ULBP2: variants seen among roughly 807,000 people sequenced by gnomAD.
The protein encoded by ULBP2 is UL16 binding protein 2.
A neutral mutation model predicts 23.6 loss-of-function variants in ULBP2; 21 were observed. The ratio of observed to expected loss-of-function variants is 0.89; its 90% confidence interval spans 0.63 to 1.28. ULBP2 has a LOEUF of 1.28. Ranked by LOEUF, ULBP2 falls within the 50% of genes most tolerant of loss-of-function variation. The probability of loss-of-function intolerance (pLI) is 0.00; values close to 1 mark genes in which losing one functional copy is unlikely to be tolerated. For missense variants in ULBP2, 251 were observed against 306.0 expected, an observed-to-expected ratio of 0.82 and a Z score of 1.34; for synonymous variants, 82 against 112.8, an observed-to-expected ratio of 0.73 and a Z score of 1.73.
In ULBP2 at chr6:149,946,609, A is replaced by T; in HGVS notation, c.587A>T (p.Asp196Val). The T allele has an allele frequency of 6.2e-7, 1 of 1,614,100 alleles. No individual in the cohort carries two copies. The highest frequency in any genetic ancestry group is 1.1e-5 in the South Asian group (1 of 91,084). The stretch of plus-strand genomic sequence containing the variant: ...GGAGACTGTATAGGATGGCTTGAGG[A>T]CTTCTTGATGGGCATGGACAGCACC... ...SMGDCIGWLE[D>V]FLMGMDSTLE... is the part of the protein sequence containing the mutation. The change falls in exon 3 of 5, where the codon GAC becomes GTC. Residue 196 changes from aspartate (D) to valine (V), a missense_variant. Asp to Val is a radical substitution (Grantham distance 152, BLOSUM62 -3). Coordinates refer to ENST00000367351, the MANE Select transcript of ULBP2 (RefSeq NM_025217.4).
At chr6:149,948,176 A>C (rs1384947020) in intron 4 of ULBP2, among the ~76,000 whole-genome samples, 6 of 152,126 alleles carry the variant, frequency 3.9e-5, no homozygotes, top group Admixed American at 3.9e-4. Context: ...AGCAGAGTGG[A>C]CTCAGAGGAA....
chr6:149,942,219 G>C (rs1314856600), intron 1 of ULBP2, 62 bp downstream of exon 1: 1 of 1,545,166 alleles, frequency 6.5e-7, no homozygotes, highest in Non-Finnish European at 8.8e-7. Context: ...GTGAACTGCC[G>C]CGGGTTTCAG....
intron 1 of ULBP2, among the ~76,000 whole-genome samples, chr6:149,943,874 T>A (rs1778899278): frequency 6.6e-6 from 1 of 152,110 alleles, no homozygotes; most frequent in East Asian, 1.9e-4. Flanking sequence ...TCTAGGGTCT[T>A]AGGGGGTCTT....
At chr6:149,946,855 C>T (rs899337171) in intron 3 of ULBP2, among the ~76,000 whole-genome samples, 4 of 152,170 alleles carry the variant, frequency 2.6e-5, no homozygotes, top group Admixed American at 6.5e-5. Context: ...ACTCCTATTC[C>T]TCACTGCACT....
In ULBP2 at chr6:149,942,123, C is replaced by A. The variant is rs1778871797; in HGVS notation, c.51C>A (p.Leu17=). ...TKILLCLPLL[L]LLSGWSRAGR... is the part of the protein sequence containing the mutation. Reference sequence around the variant, plus strand: ...TCCTTCTGTGCCTCCCGCTTCTGCTCCTGCTGTCCGGCTGGTCCCGGGCTG... The same window carrying A: ...TCCTTCTGTGCCTCCCGCTTCTGCTACTGCTGTCCGGCTGGTCCCGGGCTG... The change falls in exon 1 of 5, where the codon CTC becomes CTA. Residue 17 remains leucine (L), a synonymous_variant. Coordinates refer to ENST00000367351, the MANE Select transcript of ULBP2 (RefSeq NM_025217.4). 4.3e-6 allele frequency: 7 copies of A among 1,612,958 alleles called. No homozygotes were observed. Among genetic ancestry groups the A allele is most frequent in the African/African-American group, 1.3e-5 (1 of 74,946 alleles).
chr6:149,942,134 G>A lies in ULBP2; in HGVS notation c.62G>A (p.Gly21Asp). The change falls in exon 1 of 5, where the codon GGC becomes GAC. Residue 21 changes from glycine (G) to aspartate (D), a missense_variant. By Grantham distance (94) the Gly-to-Asp change is moderately conservative (BLOSUM62 -1). Coordinates refer to ENST00000367351, the MANE Select transcript of ULBP2 (RefSeq NM_025217.4). ...CTCCCGCTTCTGCTCCTGCTGTCCG[G>A]CTGGTCCCGGGCTGGGCGAGCCGGT... is the stretch of plus-strand genomic sequence containing the variant. ...LCLPLLLLLSGWSRAGRADPH... is the reference protein window; with the variant it reads ...LCLPLLLLLSDWSRAGRADPH... 1.2e-6 allele frequency: 2 copies of A among 1,610,810 alleles called. No homozygotes were observed. Among genetic ancestry groups the A allele is most frequent in the Non-Finnish European group, 1.7e-6 (2 of 1,179,018 alleles).
At chr6:149,942,710 C>T (rs1210039800) in intron 1 of ULBP2, among the ~76,000 whole-genome samples, 1 of 152,176 alleles carries the variant, frequency 6.6e-6, no homozygotes, top group Non-Finnish European at 1.5e-5. Context: ...CCCCTCCCCT[C>T]ACCATCCACT....
intron 3 of ULBP2, among the ~76,000 whole-genome samples, chr6:149,946,924 T>C (rs1342811546): frequency 6.6e-6 from 1 of 152,152 alleles, no homozygotes; most frequent in Non-Finnish European, 1.5e-5. Context: ...GGTGTCACTG[T>C]TTTCAGACCT....
chr6:149,948,830 A>G lies in ULBP2; in HGVS notation c.*130A>G, dbSNP rs1778981738. 2.2e-6 allele frequency: 1 copy of G among 454,562 alleles called. No individual in the cohort carries two copies. The highest frequency in any genetic ancestry group is 2.0e-5 in the African/African-American group (1 of 49,972). 28.2% of individuals were successfully genotyped at this position (454,562 alleles called of 1,614,324 possible). A position where few individuals can be genotyped will look rare whatever the true frequency, so the allele number is the denominator to read the frequency against. On this transcript the variant is annotated 3_prime_UTR_variant, in exon 5 of 5. Transcript: ENST00000367351. ...CGGTGTATGTCCAGTGGCCTCCAGC[A>G]GATCATGATGACATCATGGACCCAA...
At chr6:149,947,803 A>G (rs987289155) in intron 4 of ULBP2, among the ~76,000 whole-genome samples, 1 of 151,612 alleles carries the variant, frequency 6.6e-6, no homozygotes, top group Non-Finnish European at 1.5e-5. Context: ...GAATTCAGAC[A>G]TGGGCAGTCC....
Position 149,942,025 on chromosome 6 carries a change from A to G in ULBP2, c.-48A>G. On this transcript the variant is annotated 5_prime_UTR_variant, in exon 1 of 5. Coordinates refer to ENST00000367351, the MANE Select transcript of ULBP2 (RefSeq NM_025217.4). The stretch of plus-strand genomic sequence containing the variant: ...AAAACCTTGAGGTGATTCATCTTCC[A>G]GGCTCTCCTTCCATCAAGTCTCTCA... 6.3e-7 allele frequency: 1 copy of G among 1,584,034 alleles called. No homozygotes were observed. Among genetic ancestry groups the G allele is most frequent in the Non-Finnish European group, 8.6e-7 (1 of 1,163,414 alleles).
chr6:149,942,241 C>A (rs1778874440), intron 1 of ULBP2, 84 bp downstream of exon 1: 3 of 1,422,896 alleles, frequency 2.1e-6, no homozygotes, highest in Non-Finnish European at 2.8e-6. Flanking sequence ...GGAGGGGAGG[C>A]TTCTAGAAGG....
At chr6:149,945,775 T>C (rs1444475787) in intron 2 of ULBP2, among the ~76,000 whole-genome samples, 1 of 151,770 alleles carries the variant, frequency 6.6e-6, no homozygotes, top group Non-Finnish European at 1.5e-5. Context: ...ACACTGTCTC[T>C]ACCAAAAATG....
chr6:149,942,020 C>A lies in ULBP2; in HGVS notation c.-53C>A. 1 of 1,571,568 alleles carries A rather than the reference C, an allele frequency of 6.4e-7. No individual in the cohort carries two copies. The highest frequency in any genetic ancestry group is 8.7e-7 in the Non-Finnish European group (1 of 1,155,952). ...GCTTTAAAACCTTGAGGTGATTCAT[C>A]TTCCAGGCTCTCCTTCCATCAAGTC... On this transcript the variant is annotated 5_prime_UTR_variant, in exon 1 of 5. Transcript: ENST00000367351.
chr6:149,943,340 G>A (rs529607446), intron 1 of ULBP2, among the ~76,000 whole-genome samples: 47 of 152,250 alleles, frequency 3.1e-4, no homozygotes, highest in African/African-American at 9.9e-4. Context: ...GGGTGGTGTG[G>A]ATGTGATGGG....
chr6:149,948,517 A>G (rs1366102393), intron 4 of ULBP2, among the ~76,000 whole-genome samples: 3 of 152,140 alleles, frequency 2.0e-5, no homozygotes, highest in African/African-American at 7.2e-5. Flanking sequence ...TCCCCTGGTC[A>G]GGTGCAGGGC....
In ULBP2 at chr6:149,948,769, A is replaced by C. The variant is rs1204458711; in HGVS notation, c.*69A>C. 8 of 456,456 alleles carry C rather than the reference A, an allele frequency of 1.8e-5. No homozygotes were observed. The highest frequency in any genetic ancestry group is 6.2e-5 in the South Asian group (4 of 64,560). The allele number at this position is 456,456 out of a possible 1,614,324, so 28.3% of individuals were successfully genotyped here. A position where few individuals can be genotyped will look rare whatever the true frequency, so the allele number is the denominator to read the frequency against. ...CTCCTGTGAGCACGGTCTTGATCAA[A>C]CTCGCCCTTCTGTCTGGCCAGCTGC... On this transcript the variant is annotated 3_prime_UTR_variant, in exon 5 of 5. Transcript: ENST00000367351.
rs376862516 is a variant in ULBP2 at position 149,946,747 on chromosome 6, A to G, written c.631+94A>G. On this transcript the variant is annotated intron_variant, in intron 3 of 4. Transcript: ENST00000367351. ...TGAGTTCAGCTTCAATCATCCCAGT[A>G]TACACATTCACGTTAAAATGACCTC... The G allele has an allele frequency of 6.9e-5, 108 of 1,561,224 alleles. 2 individuals are homozygous for G. The highest frequency in any genetic ancestry group is 1.9e-4 in the Admixed American group (10 of 52,642).
intron 1 of ULBP2, among the ~76,000 whole-genome samples, chr6:149,943,038 A>G (rs949316781): frequency 1.3e-5 from 2 of 152,160 alleles, no homozygotes; most frequent in Non-Finnish European, 2.9e-5. Context: ...CTGTGTAGAC[A>G]GGGGTCAGCA....
Sources: gnomAD v4.1 joint callset for allele counts (sites outside exome capture counted in the v4.1 genomes callset) on GRCh38, gnomAD v4.1.1 for gene constraint, MANE v1.5 for transcripts, NCBI Gene and HGNC (gene_info 2026-07-23, HGNC 2026-07-21) for gene names.